RHBDD1: variants seen among roughly 807,000 people sequenced by gnomAD.
RHBDD1 encodes rhomboid domain containing 1.
In RHBDD1, 38 loss-of-function variants were observed where a neutral mutation model predicts 36.3. The ratio of observed to expected loss-of-function variants is 1.05; its 90% CI spans 0.81 to 1.37. The LOEUF is 1.37. Ranked by LOEUF, RHBDD1 falls within the 40% of genes most tolerant of loss-of-function variation. RHBDD1 has a pLI of 0.00. For missense variants in RHBDD1, 393 were observed against 377.6 expected (o/e 1.04, Z -0.34); for synonymous variants, 151 against 136.5 (o/e 1.11, Z -0.74).
intron 5 of RHBDD1, among the ~76,000 whole-genome samples, chr2:226,905,909 T>C (rs770243498): frequency 6.6e-6 from 1 of 152,054 alleles, no homozygotes; most frequent in Non-Finnish European, 1.5e-5. Context: ...CGGGGGTGTC[T>C]AGAGGGTGGC....
At chr2:226,969,998 C>A (rs988450018) in intron 8 of RHBDD1, among the ~76,000 whole-genome samples, 2 of 123,020 alleles carry the variant, frequency 1.6e-5, no homozygotes, top group Admixed American at 9.4e-5. Context: ...GTCCCCCCCC[C>A]CTTAATTTTT....
chr2:226,971,565 T>A (rs762075850), intron 8 of RHBDD1, among the ~76,000 whole-genome samples: 3 of 152,252 alleles, frequency 2.0e-5, no homozygotes, highest in Non-Finnish European at 2.9e-5. Context: ...CAATAGCCAC[T>A]TTCAGGTCAT....
intron 3 of RHBDD1, among the ~76,000 whole-genome samples, chr2:226,846,747 CAAAAA>C (rs11366796): frequency 1.4e-5 from 1 of 70,114 alleles, no homozygotes. Context: ...AATGCCATCT[CAAAAA>C]AAAAAAAAAA....
intron 8 of RHBDD1, among the ~76,000 whole-genome samples, chr2:226,991,155 A>G (rs947884086): frequency 1.3e-5 from 2 of 152,222 alleles, no homozygotes; most frequent in African/African-American, 4.8e-5. Flanking sequence ...TGAGCTCTGT[A>G]TTTTAAGAAG....
the RHBDD1 span, among the ~76,000 whole-genome samples, chr2:226,818,633 G>A: frequency 5.9e-5 from 9 of 151,582 alleles, no homozygotes; most frequent in Non-Finnish European, 8.8e-5. Context: ...AAGGTCAGGC[G>A]TTTGAAACCA....
At chr2:226,908,955 G>T (rs1948296057) in intron 7 of RHBDD1, 77 bp downstream of exon 7, 6 of 922,518 alleles carry the variant, frequency 6.5e-6, no homozygotes, top group Non-Finnish European at 1.0e-5. Context: ...AGTACTTTAG[G>T]ATACTACTAG....
chr2:226,893,035 G>A (rs1039299313), intron 5 of RHBDD1, among the ~76,000 whole-genome samples: 2 of 152,160 alleles, frequency 1.3e-5, no homozygotes, highest in East Asian at 3.8e-4. Context: ...TGTGTACAAG[G>A]AAATACAGTA....
intron 5 of RHBDD1, among the ~76,000 whole-genome samples, chr2:226,870,635 A>G (rs1479468373): frequency 6.6e-6 from 1 of 152,202 alleles, no homozygotes; most frequent in African/African-American, 2.4e-5. Context: ...TTGACACCCC[A>G]AAGACTTAAC....
intron 8 of RHBDD1, among the ~76,000 whole-genome samples, chr2:226,917,803 T>C (rs932016064): frequency 6.6e-6 from 1 of 152,098 alleles, no homozygotes; most frequent in East Asian, 1.9e-4. Context: ...AAATGGCCAC[T>C]TGGTACATCT....
intron 3 of RHBDD1, among the ~76,000 whole-genome samples, chr2:226,844,767 C>G (rs1010692671): frequency 3.9e-5 from 6 of 152,152 alleles, no homozygotes; most frequent in African/African-American, 1.4e-4. Flanking sequence ...CCTCATTACA[C>G]TAAACCGTGT....
chr2:226,848,439 T>G (rs777939677), intron 3 of RHBDD1, among the ~76,000 whole-genome samples: 3 of 152,212 alleles, frequency 2.0e-5, no homozygotes, highest in Admixed American at 6.5e-5. Flanking sequence ...ATCTTACTAG[T>G]AGACAGTTGG....
At chr2:226,924,455 C>G (rs1949536774) in intron 8 of RHBDD1, among the ~76,000 whole-genome samples, 1 of 152,182 alleles carries the variant, frequency 6.6e-6, no homozygotes, top group South Asian at 2.1e-4. Flanking sequence ...TCTTCCAGAG[C>G]TGCGAGTTGC....
At chr2:226,915,951 G>A (rs751395806) in intron 8 of RHBDD1, among the ~76,000 whole-genome samples, 9 of 152,176 alleles carry the variant, frequency 5.9e-5, no homozygotes, top group Non-Finnish European at 7.4e-5. Context: ...AGGTGTCTGC[G>A]CTGGTCTGCT....
chr2:226,986,887 T>C (rs374881240), intron 8 of RHBDD1, among the ~76,000 whole-genome samples: 1 of 152,340 alleles, frequency 6.6e-6, no homozygotes, highest in East Asian at 1.9e-4. Context: ...CGTGTGTGCT[T>C]ATTGTAGCAC....
chr2:226,948,266 A>G (rs1226709119), intron 8 of RHBDD1, among the ~76,000 whole-genome samples: 1 of 148,592 alleles, frequency 6.7e-6, no homozygotes, highest in Non-Finnish European at 1.5e-5. Flanking sequence ...TGTCCTTTGT[A>G]GGGACATGGA....
chr2:226,803,126 T>G, the RHBDD1 span, among the ~76,000 whole-genome samples: 1 of 152,226 alleles, frequency 6.6e-6, no homozygotes, highest in African/African-American at 2.4e-5. Flanking sequence ...GAACAGTGCT[T>G]GAAGGACAAT....
chr2:226,869,104 C>A, intron 5 of RHBDD1: 1 of 828,546 alleles, frequency 1.2e-6, no homozygotes, highest in Non-Finnish European at 1.5e-6. Flanking sequence ...TCTTATGCAA[C>A]TATTTCTGAA....
rs757282375 is a variant in RHBDD1 at position 226,914,222 on chromosome 2, C to G, written c.727C>G (p.Gln243Glu). 3 of 1,613,664 alleles carry G rather than the reference C, an allele frequency of 1.9e-6. No homozygotes were observed. The Admixed American group carries it at 5.0e-5, about 27-fold the overall frequency. The change falls in exon 8 of 9, where the codon CAG (glutamine) becomes GAG (glutamate). Residue 243 changes from glutamine (Q) to glutamate (E), a missense_variant. Transcript: ENST00000392062. ...TGTGCCTTTAGGCAGCTCTGGATAT[C>G]AGGATTATTATCCGCATGGCAGGCC... ...YFNSSGSSGY[Q>E]DYYPHGRPDH...
rs531552732 is a variant in RHBDD1, at chr2:226,995,776, C to G, written c.*254C>G. On this transcript the variant is annotated 3_prime_UTR_variant, in exon 9 of 9. Coordinates refer to ENST00000392062, the MANE Select transcript of RHBDD1 (RefSeq NM_001167608.3). ...TCCTCCATGAAGAGACCAGTTTCCA[C>G]GCTCCCATCTCTCACTGCTGACTCA... is the stretch of plus-strand genomic sequence containing the variant. 4.2e-6 allele frequency: 2 copies of G among 480,494 alleles called. No individual in the cohort carries two copies. Among genetic ancestry groups the G allele is most frequent in the East Asian group, 3.6e-5 (1 of 28,104 alleles). 29.8% of individuals were successfully genotyped at this position (480,494 alleles called of 1,614,324 possible). A position where few individuals can be genotyped will look rare whatever the true frequency, so the allele number is the denominator to read the frequency against.
Sources: gnomAD v4.1 joint callset for allele counts (sites outside exome capture counted in the v4.1 genomes callset) on GRCh38, gnomAD v4.1.1 for gene constraint, MANE v1.5 for transcripts, NCBI Gene and HGNC (gene_info 2026-07-23, HGNC 2026-07-21) for gene names.